IAH1: variants seen among roughly 807,000 people sequenced by gnomAD.
IAH1 encodes the protein isoamyl acetate hydrolyzing esterase 1 (putative).
A neutral mutation model predicts 26.7 loss-of-function variants in IAH1; 24 were observed. That is an observed-to-expected ratio of 0.90 (90% CI 0.65 to 1.26). The LOEUF is 1.26. Ranked by LOEUF, IAH1 falls within the 50% of genes most tolerant of loss-of-function variation. The pLI is 0.00. For missense variants in IAH1, 300 were observed against 299.9 expected (o/e 1.00, Z 0.00); for synonymous variants, 140 against 118.5 (o/e 1.18, Z -1.18).
Position 9,495,711 on chromosome 2 carries a change from CAA to C in IAH1, c.*223-592_*223-591del, listed in dbSNP as rs367778507. 3.6e-5 allele frequency among the ~76,000 whole-genome samples: 5 copies of C among 140,412 alleles called. No homozygotes were observed. The South Asian group carries it at 6.9e-4, about 19-fold the overall frequency. 92.1% of individuals were successfully genotyped at this position (140,412 alleles called of 152,430 possible). A position where few individuals can be genotyped will look rare whatever the true frequency, so the allele number is the denominator to read the frequency against. On this transcript the variant is annotated intron_variant, in intron 6 of 6. Transcript: ENST00000481367. The stretch of plus-strand genomic sequence containing the variant: ...CCTGGGCGAGAGTGAGACTCCATCT[CAA>C]AAAAAAAAAAAGAAAACCTTTTCAT...
intron 5 of IAH1, among the ~76,000 whole-genome samples, chr2:9,487,831 T>TGTGTGTGTGTGTGTGC (rs1661661421): frequency 1.2e-5 from 1 of 80,172 alleles, no homozygotes; most frequent in African/African-American, 4.7e-5. Flanking sequence ...TGTGTGTGTG[T>TGTGTGTGTGTGTGTGC]GTGCGCGCGC....
At position 9,478,446 on chromosome 2, in the gene IAH1, T is replaced by C. The variant is rs946581959; in HGVS notation, c.283+76T>C. The C allele has an allele frequency of 1.3e-5, 18 of 1,349,862 alleles. No homozygotes were observed. The African/African-American group carries it at 2.5e-4, about 19-fold the overall frequency. 83.6% of individuals were successfully genotyped at this position (1,349,862 alleles called of 1,614,324 possible). Reference sequence around the variant, plus strand: ...TACAGCAAACTTGCATTTAATATACTTTTTTCAACTGTTTACTTTCTCCCA... The same window carrying C: ...TACAGCAAACTTGCATTTAATATACCTTTTTCAACTGTTTACTTTCTCCCA... On this transcript the variant is annotated intron_variant, in intron 3 of 5. Coordinates refer to ENST00000497473, the MANE Select transcript of IAH1 (RefSeq NM_001039613.3).
intron 6 of IAH1, chr2:9,494,948 G>C: frequency 1.6e-6 from 1 of 615,294 alleles, no homozygotes; most frequent in East Asian, 3.1e-5. Flanking sequence ...ACACTCCTCA[G>C]CCTTCAGTGA....
the IAH1 span, among the ~76,000 whole-genome samples, chr2:9,508,660 G>C: frequency 6.6e-6 from 1 of 152,156 alleles, no homozygotes; most frequent in Non-Finnish European, 1.5e-5. Context: ...CAGTTCCTCA[G>C]TTTCTAGCCA....
intron 5 of IAH1, among the ~76,000 whole-genome samples, chr2:9,487,836 G>GCA (rs1661675629): frequency 1.8e-5 from 1 of 55,122 alleles, no homozygotes; most frequent in Admixed American, 1.4e-4. Context: ...GTGTGTGTGC[G>GCA]CGCGCGCGCG....
At chr2:9,508,856 AAG>A in the IAH1 span, among the ~76,000 whole-genome samples, 4 of 152,200 alleles carry the variant, frequency 2.6e-5, no homozygotes, top group Non-Finnish European at 5.9e-5. Context: ...AGTAGACAAA[AAG>A]GGGTAGAAAA....
chr2:9,474,554 G>GCCCCT lies in IAH1; in HGVS notation c.-10_-9insCTCCC. 1 of 1,008,642 alleles carries GCCCCT rather than the reference G, an allele frequency of 9.9e-7. No homozygotes were observed. The highest frequency in any genetic ancestry group is 1.4e-6 in the Non-Finnish European group (1 of 704,726). 62.5% of individuals were successfully genotyped at this position (1,008,642 alleles called of 1,614,324 possible). A position where few individuals can be genotyped will look rare whatever the true frequency, so the allele number is the denominator to read the frequency against. On this transcript the variant is annotated 5_prime_UTR_variant, in exon 1 of 6. Coordinates refer to ENST00000497473, the MANE Select transcript of IAH1 (RefSeq NM_001039613.3). The surrounding 1 kb of genome is among the most constrained non-coding windows in gnomAD (Gnocchi z 4.3). ...GTGGCTGGCGGCCCCGCCCCGCCCC[G>GCCCCT]CCCGGCTGCTCCATGGCGCTGTGCG...
chr2:9,493,648 A>T, downstream of IAH1: 2 of 972,854 alleles, frequency 2.1e-6, no homozygotes, highest in Non-Finnish European at 1.6e-6. Flanking sequence ...TCCACCTTCT[A>T]CTGCAGAATT....
At chr2:9,494,776 G>T in exon 6 of IAH1, 1 of 1,613,768 alleles carries the variant, frequency 6.2e-7, no homozygotes, top group South Asian at 1.1e-5. Flanking sequence ...TTCTGGAACA[G>T]AGAACACGCA....
At chr2:9,505,406 T>C in the IAH1 span, 1 of 1,549,848 alleles carries the variant, frequency 6.5e-7, no homozygotes, top group Non-Finnish European at 8.9e-7. Context: ...AATAATATCA[T>C]AAAAATGTAT....
At chr2:9,509,242 T>C in the IAH1 span, among the ~76,000 whole-genome samples, 1 of 152,244 alleles carries the variant, frequency 6.6e-6, no homozygotes, top group Admixed American at 6.5e-5. Context: ...GTGCAACTAT[T>C]GTTTTCCTCA....
chr2:9,505,723 A>C, the IAH1 span: 2 of 248,626 alleles, frequency 8.0e-6, no homozygotes, highest in East Asian at 8.9e-5. Flanking sequence ...AAATCTCCTC[A>C]CCTCAGGCAT....
intron 3 of IAH1, among the ~76,000 whole-genome samples, chr2:9,481,069 G>C (rs528629978): frequency 1.3e-5 from 2 of 152,318 alleles, no homozygotes; most frequent in East Asian, 3.9e-4. Flanking sequence ...AAAGACAAGA[G>C]TACTTACGGT....
chr2:9,497,847 C>T (rs1662721702), downstream of IAH1, among the ~76,000 whole-genome samples: 2 of 150,900 alleles, frequency 1.3e-5, no homozygotes, highest in Admixed American at 6.6e-5. Flanking sequence ...TGCACTATCA[C>T]ACTCCTTCTC....
In IAH1 at chr2:9,489,297, ACT is replaced by A. The variant is rs1236841972; in HGVS notation, c.*971_*972del. The A allele has an allele frequency of 8.8e-6, 1 of 113,068 alleles. No individual in the cohort carries two copies. The highest frequency in any genetic ancestry group is 4.9e-5 in the African/African-American group (1 of 20,382). 7.0% of individuals were successfully genotyped at this position (113,068 alleles called of 1,614,324 possible). A position where few individuals can be genotyped will look rare whatever the true frequency, so the allele number is the denominator to read the frequency against. ...TTTTTTTTTTTTGAGGCAGAGTCTC[ACT>A]CTGTCACCCAGGCTGGAGTGTAGTG... is the stretch of plus-strand genomic sequence containing the variant. On this transcript the variant is annotated 3_prime_UTR_variant, in exon 6 of 6. Transcript: ENST00000497473.
downstream of IAH1, chr2:9,491,268 A>G (rs1572871855): frequency 1.2e-6 from 1 of 867,004 alleles, no homozygotes; most frequent in Non-Finnish European, 1.8e-6. Context: ...AGTTGTAGAA[A>G]GTGATAGCAG....
chr2:9,482,275 G>A (rs1661231313), intron 4 of IAH1, among the ~76,000 whole-genome samples: 3 of 152,068 alleles, frequency 2.0e-5, no homozygotes, highest in South Asian at 2.1e-4. Context: ...TAATCTGCCC[G>A]ACTCAGCCTC....
chr2:9,502,417 C>CATCT, the IAH1 span: 1 of 676,790 alleles, frequency 1.5e-6, no homozygotes, highest in Non-Finnish European at 2.5e-6. Flanking sequence ...CATCATCAGA[C>CATCT]ATCTCCGCTG....
exon 7 of IAH1, chr2:9,496,498 A>T (rs1018909136): frequency 6.6e-6 from 1 of 152,340 alleles, no homozygotes; most frequent in African/African-American, 2.4e-5. Context: ...TGGGAAGCAG[A>T]GTCCAGCCAG....
Sources: allele counts gnomAD v4.1 joint callset (sites outside exome capture counted in the v4.1 genomes callset), GRCh38; gene constraint gnomAD v4.1.1; non-coding constraint Gnocchi (gnomAD v3.1); transcripts MANE v1.5; gene names NCBI Gene and HGNC (gene_info 2026-07-23, HGNC 2026-07-21).